Variants in AMN observed in about 807,000 individuals in gnomAD.
The protein encoded by AMN is protein amnionless.
A neutral mutation model predicts 49.1 loss-of-function variants in AMN; 40 were observed. The ratio of observed to expected loss-of-function variants is 0.81; its 90% CI spans 0.63 to 1.06. AMN has a LOEUF of 1.06. AMN is among the 50% of genes least tolerant of loss of function. AMN has a pLI of 0.00. For missense variants in AMN, 701 were observed against 662.8 expected, an observed-to-expected ratio of 1.06 and a Z score of -0.63; for synonymous variants, 380 against 313.3, an observed-to-expected ratio of 1.21 and a Z score of -2.25.
chr14:102,929,634 AC>A lies in AMN; in HGVS notation c.761-17del. Reference sequence around the variant, plus strand: ...TGCCGGGCCCGGATCCACGGCGCTGACCCCTGCCCTCCCGCCGCAGGAGCCG... The same window carrying A: ...TGCCGGGCCCGGATCCACGGCGCTGACCCTGCCCTCCCGCCGCAGGAGCCG... On this transcript the variant is annotated intron_variant, in intron 7 of 11. Coordinates refer to ENST00000299155, the MANE Select transcript of AMN (RefSeq NM_030943.4). 6.5e-7 allele frequency: 1 copy of A among 1,547,406 alleles called. No individual in the cohort carries two copies. Among genetic ancestry groups the A allele is most frequent in the Non-Finnish European group, 8.7e-7 (1 of 1,146,498 alleles).
Position 102,930,080 on chromosome 14 carries a change from G to C in AMN, c.1000G>C (p.Glu334Gln). Residue 334 changes from glutamate (E) to glutamine (Q), a missense_variant, in exon 9 of 12, where the codon GAG becomes CAG. Glu to Gln is a conservative substitution (Grantham distance 29, BLOSUM62 2). Coordinates refer to ENST00000299155, the MANE Select transcript of AMN (RefSeq NM_030943.4). ...LARALLADVA[E>Q]NGEALGVLEA... ...CCGGGCCCTCCTGGCGGACGTCGCC[G>C]AGAACGGTAACCGCGCCCGCCCCAT... is the stretch of plus-strand genomic sequence containing the variant. 6.5e-7 allele frequency: 1 copy of C among 1,540,212 alleles called. No homozygotes were observed. The highest frequency in any genetic ancestry group is 8.7e-7 in the Non-Finnish European group (1 of 1,144,910).
chr14:102,928,998 C>G, intron 5 of AMN, 23 bp downstream of exon 5: 7 of 1,595,926 alleles, frequency 4.4e-6, no homozygotes, highest in South Asian at 1.1e-5. Flanking sequence ...GGGAGGGAGG[C>G]TCGGGTCCCC....
Position 102,929,939 on chromosome 14 carries a change from C to T in AMN, c.859C>T (p.Leu287=), listed in dbSNP as rs1340514257. 6 of 1,561,012 alleles carry T rather than the reference C, an allele frequency of 3.8e-6. No individual in the cohort carries two copies. Among genetic ancestry groups the T allele is most frequent in the Admixed American group, 3.8e-5 (2 of 52,834 alleles). ...CCCTCCCCAGCCTCAGTACCACGGG[C>T]TGCAGGTGGCCGTGTCCAAGGTGCC... The part of the protein sequence containing the change: ...TFLGLPQYHG[L]QVAVSKVPRS... The change falls in exon 9 of 12, where the codon CTG becomes TTG. Residue 287 remains leucine, a synonymous_variant. Transcript: ENST00000299155.
intron 1 of AMN, 63 bp downstream of exon 1, chr14:102,922,794 GGT>G: frequency 6.5e-7 from 1 of 1,537,404 alleles, no homozygotes; most frequent in Non-Finnish European, 8.7e-7. Flanking sequence ...CCAGGGCCGA[GGT>G]CGCTCTAGGC....
At chr14:102,923,500 T>C in intron 1 of AMN, 2 of 584,184 alleles carry the variant, frequency 3.4e-6, no homozygotes, top group Non-Finnish European at 6.2e-6. Flanking sequence ...GCTCTGCAGG[T>C]ATCAGTAGAA....
At position 102,923,087 on chromosome 14, in the gene AMN, C is replaced by T. The variant is rs1045244055; in HGVS notation, c.43+356C>T. 13 of 293,164 alleles carry T rather than the reference C, an allele frequency of 4.4e-5. 1 individual carries two copies. Among genetic ancestry groups the T allele is most frequent in the Middle Eastern group, 2.3e-3 (2 of 854 alleles). 18.2% of individuals were successfully genotyped at this position (293,164 alleles called of 1,614,324 possible). A position where few individuals can be genotyped will look rare whatever the true frequency, so the allele number is the denominator to read the frequency against. ...TGCGCCTGCGGGGCTCGGCAGACCGCCTCAGCTTCCCGGTCCCCAAGGGAG... is the reference window on the plus strand; with the variant it reads ...TGCGCCTGCGGGGCTCGGCAGACCGTCTCAGCTTCCCGGTCCCCAAGGGAG... On this transcript the variant is annotated intron_variant, in intron 1 of 11. Transcript: ENST00000299155.
rs1355289564 is a variant in AMN, at chr14:102,929,238, T to C, written c.631T>C (p.Cys211Arg). 3 of 1,512,068 alleles carry C rather than the reference T, an allele frequency of 2.0e-6. No individual in the cohort carries two copies. The Admixed American group carries it at 6.5e-5, about 33-fold the overall frequency. The allele number at this position is 1,512,068 out of a possible 1,614,324, so 93.7% of individuals were successfully genotyped here. Residue 211 changes from cysteine (C) to arginine (R), a missense_variant, in exon 6 of 12, where the codon TGC becomes CGC. Cys to Arg is a radical substitution (Grantham distance 180, BLOSUM62 -3). Transcript: ENST00000299155. ...GPEDCADPSG[C>R]VCGNAEAQPW... ...CGAGGACTGCGCGGACCCGTCGGGCTGCGTCTGCGGCAACGCGGAGGTGAG... is the reference window on the plus strand; with the variant it reads ...CGAGGACTGCGCGGACCCGTCGGGCCGCGTCTGCGGCAACGCGGAGGTGAG...
At position 102,930,399 on chromosome 14, in the gene AMN, C is replaced by T; in HGVS notation, c.1170-7C>T. The T allele has an allele frequency of 1.3e-6, 2 of 1,514,962 alleles. No homozygotes were observed. Among genetic ancestry groups the T allele is most frequent in the Non-Finnish European group, 8.8e-7 (1 of 1,138,032 alleles). 93.8% of individuals were successfully genotyped at this position (1,514,962 alleles called of 1,614,324 possible). On this transcript the variant is annotated splice_region_variant and splice_polypyrimidine_tract_variant and intron_variant, in intron 10 of 11. Coordinates refer to ENST00000299155, the MANE Select transcript of AMN (RefSeq NM_030943.4). ...GGGCTCACGCTGCGTCCCCGCTACG[C>T]CCTCAGGTGGAGGAGGCACGAGGCG...
chr14:102,923,558 G>A, intron 1 of AMN, 153 bp from the exon 2 acceptor site: 3 of 745,440 alleles, frequency 4.0e-6, no homozygotes, highest in Non-Finnish European at 7.1e-6. Context: ...TGGCCGGGAG[G>A]GACCAGGGTC....
Position 102,930,820 on chromosome 14 carries a change from A to C in AMN, c.*140A>C, listed in dbSNP as rs1232677422. The C allele has an allele frequency of 1.0e-6, 1 of 999,672 alleles. No individual in the cohort carries two copies. The highest frequency in any genetic ancestry group is 1.5e-6 in the Non-Finnish European group (1 of 663,446). The allele number at this position is 999,672 out of a possible 1,614,324, so 61.9% of individuals were successfully genotyped here. A position where few individuals can be genotyped will look rare whatever the true frequency, so the allele number is the denominator to read the frequency against. ...CGGGGGCCAAGGACAGGGTGGCCTT[A>C]CTCAGTAAAGGTGTTTCCTGCACCT... On this transcript the variant is annotated 3_prime_UTR_variant, in exon 12 of 12. Coordinates refer to ENST00000299155, the MANE Select transcript of AMN (RefSeq NM_030943.4).
At position 102,929,380 on chromosome 14, in the gene AMN, C is replaced by T. The variant is rs781494385; in HGVS notation, c.652-48C>T. The stretch of plus-strand genomic sequence containing the variant: ...CTTCTCGGAGGCATCGCCCTTCTCG[C>T]TGCGGTCCGCTCTGGCCCTCCGCGC... On this transcript the variant is annotated intron_variant, in intron 6 of 11. Coordinates refer to ENST00000299155, the MANE Select transcript of AMN (RefSeq NM_030943.4). 5.1e-5 allele frequency: 77 copies of T among 1,518,926 alleles called. No homozygotes were observed. In the East Asian group the frequency reaches 1.5e-3, roughly 30 times the overall value. 94.1% of individuals were successfully genotyped at this position (1,518,926 alleles called of 1,614,324 possible). A position where few individuals can be genotyped will look rare whatever the true frequency, so the allele number is the denominator to read the frequency against.
At chr14:102,927,877 T>C (rs1180904747) in intron 3 of AMN, among the ~76,000 whole-genome samples, 1 of 152,028 alleles carries the variant, frequency 6.6e-6, no homozygotes, top group Non-Finnish European at 1.5e-5. Flanking sequence ...CCCAAGCCTA[T>C]AGGAAACAGC....
In AMN at chr14:102,929,518, C is replaced by T. The variant is rs386834177; in HGVS notation, c.742C>T (p.Gln248Ter). Residue 248 changes from glutamine to a stop codon, truncating the protein, a stop_gained, in exon 7 of 12, where the codon CAG becomes TAG. Coordinates refer to ENST00000299155, the MANE Select transcript of AMN (RefSeq NM_030943.4). LOFTEE classifies it high-confidence loss of function. ...CCACAGCGCCCTCCGGCCCCAGGGGCAGTGCTGTGACCTCTGTGGTAAGCG... is the reference window on the plus strand; with the variant it reads ...CCACAGCGCCCTCCGGCCCCAGGGGTAGTGCTGTGACCTCTGTGGTAAGCG... ...ACHSALRPQGQCCDLCGAVVL... is the reference protein window; with the variant it reads ...ACHSALRPQG 1 of 1,536,146 alleles carries T rather than the reference C, an allele frequency of 6.5e-7. No homozygotes were observed. The highest frequency in any genetic ancestry group is 8.7e-7 in the Non-Finnish European group (1 of 1,146,172).
At chr14:102,927,127 C>T (rs13379141) in intron 3 of AMN, among the ~76,000 whole-genome samples, 1,871 of 152,250 alleles carry the variant, frequency 0.012, 33 homozygotes, top group African/African-American at 0.041. Context: ...CTCCTGGGCT[C>T]GAGTGATATG....
chr14:102,929,288 G>T (rs1891272181), intron 6 of AMN, 30 bp downstream of exon 6: 3 of 1,434,582 alleles, frequency 2.1e-6, no homozygotes, highest in Non-Finnish European at 2.7e-6. Flanking sequence ...AGTCGCGGGG[G>T]CCGCGCGAGG....
At position 102,928,412 on chromosome 14, in the gene AMN, C is replaced by A; in HGVS notation, c.208-14C>A. On this transcript the variant is annotated splice_polypyrimidine_tract_variant and intron_variant, in intron 3 of 11. Coordinates refer to ENST00000299155, the MANE Select transcript of AMN (RefSeq NM_030943.4). ...ACCCCCGCGTGGCGCCGCCTCAGCC[C>A]GTGTCTCTTGCAGCTCCTGCCGCTG... 6.3e-7 allele frequency: 1 copy of A among 1,586,038 alleles called. No homozygotes were observed. The highest frequency in any genetic ancestry group is 2.3e-5 in the East Asian group (1 of 42,784).
chr14:102,930,760 C>G lies in AMN; in HGVS notation c.*80C>G. On this transcript the variant is annotated 3_prime_UTR_variant, in exon 12 of 12. Transcript: ENST00000299155. The stretch of plus-strand genomic sequence containing the variant: ...ACTGGGGGCTAGCCACCTCCTCGTC[C>G]AGCCCCCAAACCTCCCCTTCCTTTC... The G allele has an allele frequency of 6.9e-7, 1 of 1,441,722 alleles. No homozygotes were observed. Among genetic ancestry groups the G allele is most frequent in the Admixed American group, 2.0e-5 (1 of 50,838 alleles). The allele number at this position is 1,441,722 out of a possible 1,614,324, so 89.3% of individuals were successfully genotyped here.
At chr14:102,929,758 G>A in intron 8 of AMN, 21 bp downstream of exon 8, 1 of 1,549,024 alleles carries the variant, frequency 6.5e-7, no homozygotes, top group Non-Finnish European at 8.7e-7. Flanking sequence ...CGCGCGGGCA[G>A]CTGAGGGGAG....
chr14:102,922,738 CG>C lies in AMN; in HGVS notation c.43+10del. ...CTGTGGCTGCAGCTCTGCGGTGAGCCGGGACCACACCGGTGCGGGCCCGGAC... is the reference window on the plus strand; with the variant it reads ...CTGTGGCTGCAGCTCTGCGGTGAGCCGGACCACACCGGTGCGGGCCCGGAC... On this transcript the variant is annotated splice_region_variant and intron_variant, in intron 1 of 11. Coordinates refer to ENST00000299155, the MANE Select transcript of AMN (RefSeq NM_030943.4). The C allele has an allele frequency of 6.3e-7, 1 of 1,584,054 alleles. No homozygotes were observed. Among genetic ancestry groups the C allele is most frequent in the Non-Finnish European group, 8.6e-7 (1 of 1,169,244 alleles).
Sources: gnomAD v4.1 joint callset for allele counts (sites outside exome capture counted in the v4.1 genomes callset) on GRCh38, gnomAD v4.1.1 for gene constraint, MANE v1.5 for transcripts, NCBI Gene and HGNC (gene_info 2026-07-23, HGNC 2026-07-21) for gene names.